The following ARAP1 variants were observed in gnomAD, a reference collection of about 807,000 sequenced individuals.
The protein encoded by ARAP1 is ArfGAP with RhoGAP domain, ankyrin repeat and PH domain 1.
In ARAP1, 76 loss-of-function variants were observed where a neutral mutation model predicts 172.2. The ratio of observed to expected loss-of-function variants is 0.44; its 90% CI spans 0.37 to 0.53. The LOEUF (loss-of-function observed/expected upper bound fraction) is 0.53. Among genes scored for constraint, ARAP1 ranks in the 20% least tolerant of loss-of-function variants. The probability of loss-of-function intolerance (pLI) is 0.00; values close to 1 mark genes in which losing one functional copy is unlikely to be tolerated. For synonymous variants in ARAP1, 804 were observed against 803.3 expected (o/e 1.00, Z -0.01); for missense variants, 1,686 against 1,977.5 (o/e 0.85, Z 2.80).
At chr11:72,701,965 TC>T (rs1856507267) in intron 15 of ARAP1, among the ~76,000 whole-genome samples, 182 bp from the exon 16 acceptor site, 1 of 151,890 alleles carries the variant, frequency 6.6e-6, no homozygotes, top group Non-Finnish European at 1.5e-5. Context: ...TCTCCACCTC[TC>T]CCCACTTGTG....
Position 72,726,928 on chromosome 11 carries a change from G to A in ARAP1, c.201C>T (p.Ala67=), listed in dbSNP as rs1857710617. The part of the protein sequence containing the change: ...RRRILAGLLR[A]HTSPAPAPRP... Reference sequence around the variant, plus strand: ...GGGGTGCAGGGGCCGGTGAGGTATGGGCACGGAGCAGGCCAGCCAGGATGC... The same window carrying A: ...GGGGTGCAGGGGCCGGTGAGGTATGAGCACGGAGCAGGCCAGCCAGGATGC... Residue 67 remains alanine, a synonymous_variant, in exon 3 of 35, where the codon GCC becomes GCT. Transcript: ENST00000393609. This position sits in a 1 kb window ranked among gnomAD's most constrained non-coding sequence, Gnocchi z 6.5. The A allele has an allele frequency of 6.3e-7, 1 of 1,593,604 alleles. No homozygotes were observed. Among genetic ancestry groups the A allele is most frequent in the Non-Finnish European group, 8.5e-7 (1 of 1,170,306 alleles).
intron 15 of ARAP1, 102 bp from the exon 16 acceptor site, chr11:72,701,885 A>C: frequency 6.9e-7 from 1 of 1,456,326 alleles, no homozygotes; most frequent in Admixed American, 1.9e-5. Context: ...CTTTCGAATC[A>C]TCAGCCCCAG....
At chr11:72,734,841 CAAA>C (rs58338853) in intron 1 of ARAP1, among the ~76,000 whole-genome samples, 4 of 103,894 alleles carry the variant, frequency 3.9e-5, no homozygotes, top group African/African-American at 3.1e-5. Context: ...AGACTGAGCA[CAAA>C]AAAAAAAAAA....
At chr11:72,728,791 C>G (rs1332399497) in intron 2 of ARAP1, among the ~76,000 whole-genome samples, 1 of 152,090 alleles carries the variant, frequency 6.6e-6, no homozygotes, top group Admixed American at 6.5e-5. Flanking sequence ...AAAAAGAAGA[C>G]CTGGACAAAT....
chr11:72,735,958 G>T (rs545140178), intron 1 of ARAP1, among the ~76,000 whole-genome samples: 1 of 152,290 alleles, frequency 6.6e-6, no homozygotes, highest in East Asian at 1.9e-4. Flanking sequence ...AACAGCCCAG[G>T]GGGCCCTCAA....
At chr11:72,739,732 G>A (rs947121111) in intron 1 of ARAP1, among the ~76,000 whole-genome samples, 3 of 152,140 alleles carry the variant, frequency 2.0e-5, no homozygotes, top group East Asian at 1.9e-4. Context: ...CTCCTCTGCC[G>A]TCAGGCAGTC....
Position 72,733,950 on chromosome 11 carries a change from C to T in ARAP1, c.-127-1353G>A, listed in dbSNP as rs1245433608. On this transcript the variant is annotated intron_variant, in intron 1 of 34. Coordinates refer to ENST00000393609, the MANE Select transcript of ARAP1 (RefSeq NM_001040118.3). ...GCACGATTCTCTTGTCTCAGCCTCC[C>T]GAGTAGCTGGGACTACAGGTGCGTA... Among the ~76,000 whole-genome samples, 3 of 152,114 alleles carry T rather than the reference C, an allele frequency of 2.0e-5. No homozygotes were observed. In the East Asian group the frequency reaches 5.8e-4, roughly 29 times the overall value.
At chr11:72,691,370 AC>A (rs1183403892) in intron 30 of ARAP1, among the ~76,000 whole-genome samples, 2 of 152,006 alleles carry the variant, frequency 1.3e-5, no homozygotes, top group African/African-American at 4.8e-5. Flanking sequence ...CTTTCCAGGT[AC>A]CTCAGCCATC....
Position 72,741,837 on chromosome 11 carries a change from T to G in ARAP1, c.-127-9240A>C, listed in dbSNP as rs1242853141. Among the ~76,000 whole-genome samples, 1 of 152,104 alleles carries G rather than the reference T, an allele frequency of 6.6e-6. No individual in the cohort carries two copies. The highest frequency in any genetic ancestry group is 2.4e-5 in the African/African-American group (1 of 41,418). On this transcript the variant is annotated intron_variant, in intron 1 of 34. Coordinates refer to ENST00000393609, the MANE Select transcript of ARAP1 (RefSeq NM_001040118.3). The surrounding 1 kb of genome is among the most constrained non-coding windows in gnomAD (Gnocchi z 4.5). ...CAAGAGGGAAGGGGAGGCCGCCAACTGACTCCTCTGTGAGCTCACTGGAAA... is the reference window on the plus strand; with the variant it reads ...CAAGAGGGAAGGGGAGGCCGCCAACGGACTCCTCTGTGAGCTCACTGGAAA...
At chr11:72,691,930 C>T (rs1033324205) in intron 30 of ARAP1, among the ~76,000 whole-genome samples, 1 of 152,176 alleles carries the variant, frequency 6.6e-6, no homozygotes, top group African/African-American at 2.4e-5. Context: ...CAACCTAGAT[C>T]CCTCGCTTGC....
At position 72,685,672 on chromosome 11, in the gene ARAP1, T is replaced by C. The variant is rs766345289; in HGVS notation, c.4345A>G (p.Asn1449Asp). 12 of 1,613,922 alleles carry C rather than the reference T, an allele frequency of 7.4e-6. No homozygotes were observed. The highest frequency in any genetic ancestry group is 1.3e-5 in the African/African-American group (1 of 74,920). The change falls in exon 35 of 35, where the codon AAC (asparagine) becomes GAC (aspartate). Residue 1449 changes from asparagine to aspartate, a missense_variant. Physicochemically the swap from Asn to Asp is conservative, Grantham distance 23 (BLOSUM62 1). Coordinates refer to ENST00000393609, the MANE Select transcript of ARAP1 (RefSeq NM_001040118.3). ...FTADPLSLLR[N>D]V ...AGGATGGGCTCCTGTGCTCAGACGT[T>C]GCGCAGAAGCTGCAGGAAGGCAAGA... is the stretch of plus-strand genomic sequence containing the variant.
chr11:72,728,812 A>G (rs953190909), intron 2 of ARAP1, among the ~76,000 whole-genome samples: 1 of 152,252 alleles, frequency 6.6e-6, no homozygotes, highest in Non-Finnish European at 1.5e-5. Context: ...GGCAGAGCAC[A>G]GTAAGTTCTG....
intron 2 of ARAP1, among the ~76,000 whole-genome samples, chr11:72,731,372 G>C (rs1385445632): frequency 1.3e-5 from 2 of 152,284 alleles, no homozygotes; most frequent in African/African-American, 4.8e-5. Flanking sequence ...CCCTCCCCAT[G>C]GTAACAAGTG....
intron 3 of ARAP1, among the ~76,000 whole-genome samples, chr11:72,718,403 C>G (rs1565224806): frequency 6.6e-6 from 1 of 152,170 alleles, no homozygotes; most frequent in East Asian, 1.9e-4. Context: ...ATGTCACCCA[C>G]TGACTTGTCA....
Position 72,714,208 on chromosome 11 carries a change from G to A in ARAP1, c.623C>T (p.Pro208Leu). 6.6e-7 allele frequency: 1 copy of A among 1,524,428 alleles called. No individual in the cohort carries two copies. The highest frequency in any genetic ancestry group is 2.5e-5 in the East Asian group (1 of 39,536). 94.4% of individuals were successfully genotyped at this position (1,524,428 alleles called of 1,614,324 possible). A position where few individuals can be genotyped will look rare whatever the true frequency, so the allele number is the denominator to read the frequency against. The part of the protein sequence containing the change: ...LPQGPPQPPS[P>L]PPCPPEIPPK... ...AGGTATCTCCGGGGGGCAGGGAGGT[G>A]GAGAGGGAGGCTGGGGAGGCCCCTG... is the stretch of plus-strand genomic sequence containing the variant. Residue 208 changes from proline (P) to leucine (L), a missense_variant, in exon 4 of 35, where the codon CCA (proline) becomes CTA (leucine). Around this residue, in one of 5 missense-constraint regions of ARAP1, gnomAD observed 155 missense variants for 129.2 expected, o/e 1.20. Transcript: ENST00000393609.
At position 72,699,365 on chromosome 11, in the gene ARAP1, G is replaced by A. The variant is rs1217344941; in HGVS notation, c.2438+52C>T. ...GGGTCTATTTCCCTGTCTCCCCAGT[G>A]GGGGATTGTACCTTATAGCAACCAC... On this transcript the variant is annotated intron_variant, in intron 17 of 34. Coordinates refer to ENST00000393609, the MANE Select transcript of ARAP1 (RefSeq NM_001040118.3). The surrounding 1 kb of genome is among the most constrained non-coding windows in gnomAD (Gnocchi z 4.2). 2 of 1,609,346 alleles carry A rather than the reference G, an allele frequency of 1.2e-6. No homozygotes were observed. The highest frequency in any genetic ancestry group is 1.1e-5 in the South Asian group (1 of 90,836).
At chr11:72,735,030 G>C (rs1027355993) in intron 1 of ARAP1, among the ~76,000 whole-genome samples, 6 of 151,914 alleles carry the variant, frequency 3.9e-5, no homozygotes, top group Admixed American at 6.6e-5. Flanking sequence ...ACCCAGGCTG[G>C]AGTGCAGTGG....
In ARAP1 at chr11:72,687,362, C is replaced by A. The variant is rs1855736054; in HGVS notation, c.4185+77G>T. 4.0e-5 allele frequency: 63 copies of A among 1,572,464 alleles called. 1 individual carries two copies. In the South Asian group the frequency reaches 6.9e-4, roughly 17 times the overall value. On this transcript the variant is annotated intron_variant, in intron 33 of 34. Coordinates refer to ENST00000393609, the MANE Select transcript of ARAP1 (RefSeq NM_001040118.3). ...GAAGCAAGGGGTGGGTTGAATAGCACAGAAGCCAATGTCCCCATTCTCCAT... is the reference window on the plus strand; with the variant it reads ...GAAGCAAGGGGTGGGTTGAATAGCAAAGAAGCCAATGTCCCCATTCTCCAT...
chr11:72,714,269 G>C lies in ARAP1; in HGVS notation c.562C>G (p.Gln188Glu). The C allele has an allele frequency of 7.1e-6, 11 of 1,543,046 alleles. No homozygotes were observed. The highest frequency in any genetic ancestry group is 9.6e-6 in the Non-Finnish European group (11 of 1,144,570). The change falls in exon 4 of 35, where the codon CAG (glutamine) becomes GAG (glutamate). Residue 188 changes from glutamine (Q) to glutamate (E), a missense_variant. Coordinates refer to ENST00000393609, the MANE Select transcript of ARAP1 (RefSeq NM_001040118.3). ...SLLPSLSSPP[Q>E]PQSEEPLSTL... Reference sequence around the variant, plus strand: ...GACAGGGGCTCCTCAGACTGTGGCTGGGGAGGGGATGATAATGATGGCAGC... The same window carrying C: ...GACAGGGGCTCCTCAGACTGTGGCTCGGGAGGGGATGATAATGATGGCAGC...
Sources: allele counts gnomAD v4.1 joint callset (sites outside exome capture counted in the v4.1 genomes callset), GRCh38; gene constraint gnomAD v4.1.1; regional missense constraint gnomAD v4.1.1; non-coding constraint Gnocchi (gnomAD v3.1); transcripts MANE v1.5; gene names NCBI Gene and HGNC (gene_info 2026-07-23, HGNC 2026-07-21).